Variants in MAF observed in about 807,000 individuals in gnomAD.
MAF encodes the protein MAF bZIP transcription factor.
Under a neutral mutation model 22.0 loss-of-function variants are expected in MAF, and 10 were observed. The ratio of observed to expected loss-of-function variants is 0.45; its 90% CI spans 0.28 to 0.77. The LOEUF is 0.77. Among genes scored for constraint, MAF ranks in the 30% least tolerant of loss-of-function variants. The probability of loss-of-function intolerance (pLI) is 0.12; values close to 1 mark genes in which losing one functional copy is unlikely to be tolerated. For missense variants in MAF, 544 were observed against 548.4 expected, an observed-to-expected ratio of 0.99 and a Z score of 0.08; for synonymous variants, 337 against 255.8, an observed-to-expected ratio of 1.32 and a Z score of -3.03.
chr16:79,387,022 T>C, the MAF span, among the ~76,000 whole-genome samples: 237 of 152,330 alleles, frequency 1.6e-3, 1 homozygote, highest in Non-Finnish European at 2.4e-3. Context: ...GCTTCCAATA[T>C]AGATTTTCCC....
At chr16:79,490,303 G>A in the MAF span, among the ~76,000 whole-genome samples, 1 of 152,116 alleles carries the variant, frequency 6.6e-6, no homozygotes. Context: ...TTCAAACGAG[G>A]CAGGAATAAA....
At chr16:79,336,377 G>A in the MAF span, among the ~76,000 whole-genome samples, 1 of 152,170 alleles carries the variant, frequency 6.6e-6, no homozygotes, top group African/African-American at 2.4e-5. Context: ...AGGTCACATA[G>A]CCAGTAAAGA....
chr16:79,325,869 A>T, the MAF span, among the ~76,000 whole-genome samples: 1 of 152,204 alleles, frequency 6.6e-6, no homozygotes, highest in Admixed American at 6.5e-5. Flanking sequence ...AGACGGCCCC[A>T]GTCTAGGCAA....
At chr16:79,521,663 A>G in the MAF span, among the ~76,000 whole-genome samples, 1 of 152,204 alleles carries the variant, frequency 6.6e-6, no homozygotes, top group Non-Finnish European at 1.5e-5. Flanking sequence ...ACGCAGCCAC[A>G]TCTTTCCAGT....
the MAF span, among the ~76,000 whole-genome samples, chr16:79,396,956 G>T: frequency 2.6e-5 from 4 of 152,356 alleles, no homozygotes; most frequent in East Asian, 7.7e-4. Context: ...CTCCAGGCCA[G>T]CTGGCCTTGC....
chr16:79,346,127 A>G, the MAF span, among the ~76,000 whole-genome samples: 31 of 151,864 alleles, frequency 2.0e-4, no homozygotes, highest in East Asian at 1.4e-3. Context: ...TGCTGCACCC[A>G]TTAACTCATC....
the MAF span, chr16:79,211,654 TGGAGGGTCTG>T: frequency 3.1e-6 from 5 of 1,614,198 alleles, no homozygotes; most frequent in Non-Finnish European, 3.4e-6. Flanking sequence ...GTCCCAGAAC[TGGAGGGTCTG>T]GGAGGGATGT....
rs1913372585 is a variant in MAF at position 79,594,336 on chromosome 16, C to T, written c.*124G>A. ...AACTACTACATTTAATAGCCTTCTTCTCTAACACAGTAATTTTTATTTAAA... is the reference window on the plus strand; with the variant it reads ...AACTACTACATTTAATAGCCTTCTTTTCTAACACAGTAATTTTTATTTAAA... On this transcript the variant is annotated 3_prime_UTR_variant, in exon 2 of 2. Transcript: ENST00000326043. 2 of 909,626 alleles carry T rather than the reference C, an allele frequency of 2.2e-6. No homozygotes were observed. The highest frequency in any genetic ancestry group is 1.4e-5 in the South Asian group (1 of 69,704). 56.3% of individuals were successfully genotyped at this position (909,626 alleles called of 1,614,324 possible). A position where few individuals can be genotyped will look rare whatever the true frequency, so the allele number is the denominator to read the frequency against.
the MAF span, among the ~76,000 whole-genome samples, chr16:79,234,110 G>A: frequency 3.3e-5 from 5 of 152,008 alleles, no homozygotes; most frequent in Admixed American, 1.3e-4. Flanking sequence ...CCTTCCTGGA[G>A]TAAGCACCCT....
chr16:79,569,597 C>T, the MAF span, among the ~76,000 whole-genome samples: 2 of 152,194 alleles, frequency 1.3e-5, no homozygotes, highest in Non-Finnish European at 2.9e-5. Context: ...TGAGGCCATG[C>T]AATGTGTGAT....
chr16:79,210,301 T>A, the MAF span, among the ~76,000 whole-genome samples: 1 of 152,202 alleles, frequency 6.6e-6, no homozygotes, highest in African/African-American at 2.4e-5. Flanking sequence ...CGTAACACCT[T>A]CCTTGGGACC....
At chr16:79,444,361 T>A in the MAF span, among the ~76,000 whole-genome samples, 2 of 152,222 alleles carry the variant, frequency 1.3e-5, no homozygotes, top group Non-Finnish European at 2.9e-5. Context: ...ATTTTAATAA[T>A]GAAAATTAAA....
the MAF span, among the ~76,000 whole-genome samples, chr16:79,412,088 T>C: frequency 1.3e-5 from 2 of 152,166 alleles, no homozygotes; most frequent in African/African-American, 2.4e-5. Flanking sequence ...TTCTAAATGA[T>C]TGAAATATAT....
the MAF span, among the ~76,000 whole-genome samples, chr16:79,334,933 T>C: frequency 5.3e-5 from 8 of 151,618 alleles, no homozygotes; most frequent in African/African-American, 1.2e-4. Flanking sequence ...ACACCTGTAA[T>C]CCCAGCACTT....
At chr16:79,324,500 T>G in the MAF span, among the ~76,000 whole-genome samples, 15 of 152,320 alleles carry the variant, frequency 9.8e-5, no homozygotes, top group African/African-American at 3.6e-4. Flanking sequence ...CAATCCCCCA[T>G]GTGTACCAAT....
chr16:79,460,604 C>G, the MAF span, among the ~76,000 whole-genome samples: 1 of 152,164 alleles, frequency 6.6e-6, no homozygotes, highest in Non-Finnish European at 1.5e-5. Context: ...CTTATTAATT[C>G]TTCCATGCAA....
At chr16:79,268,559 C>G in the MAF span, among the ~76,000 whole-genome samples, 10 of 152,252 alleles carry the variant, frequency 6.6e-5, no homozygotes, top group East Asian at 1.7e-3. Flanking sequence ...TGTAGTCGAA[C>G]TAGGACAACA....
At chr16:79,239,617 T>G in the MAF span, among the ~76,000 whole-genome samples, 4 of 152,136 alleles carry the variant, frequency 2.6e-5, 1 homozygote, top group Admixed American at 1.3e-4. Context: ...TCCGAACCCC[T>G]AGATGCTAAT....
At chr16:79,447,905 A>AAAAAAAAAAAAAG in the MAF span, among the ~76,000 whole-genome samples, 305 of 85,778 alleles carry the variant, frequency 3.6e-3, 18 homozygotes, top group African/African-American at 8.8e-3. Flanking sequence ...AAAAAAAAAA[A>AAAAAAAAAAAAAG]AAAAGAAAAG....
Sources: allele counts gnomAD v4.1 joint callset (sites outside exome capture counted in the v4.1 genomes callset), GRCh38; gene constraint gnomAD v4.1.1; transcripts MANE v1.5; gene names NCBI Gene and HGNC (gene_info 2026-07-23, HGNC 2026-07-21).